Variants in LRRC75A observed in about 807,000 individuals in gnomAD.
The protein encoded by LRRC75A is leucine rich repeat containing 75A.
A neutral mutation model predicts 26.0 loss-of-function variants in LRRC75A; 12 were observed. The observed-to-expected ratio is 0.46, with a 90% CI of 0.30 to 0.75. The LOEUF (loss-of-function observed/expected upper bound fraction) is 0.75. LRRC75A is among the 30% of genes least tolerant of loss of function. LRRC75A has a pLI of 0.08. For synonymous variants in LRRC75A, 223 were observed against 219.3 expected (o/e 1.02, Z -0.15); for missense variants, 410 against 486.6 (o/e 0.84, Z 1.48).
chr17:16,466,431 C>T (rs1217447684), intron 1 of LRRC75A, among the ~76,000 whole-genome samples: 2 of 152,232 alleles, frequency 1.3e-5, no homozygotes, highest in Admixed American at 6.5e-5. Flanking sequence ...CCTGCAGCCC[C>T]TCCTGTGCAC....
intron 2 of LRRC75A, among the ~76,000 whole-genome samples, chr17:16,458,472 T>C (rs1463346364): frequency 6.9e-6 from 1 of 145,166 alleles, no homozygotes; most frequent in Non-Finnish European, 1.5e-5. Context: ...TGCCAACTTC[T>C]TTTTTTTTTT....
At chr17:16,466,314 G>A (rs559199245) in intron 1 of LRRC75A, among the ~76,000 whole-genome samples, 13 of 152,306 alleles carry the variant, frequency 8.5e-5, no homozygotes, top group African/African-American at 2.6e-4. Context: ...TTTCAGACTC[G>A]GCACCCATGG....
chr17:16,446,867 A>T, intron 3 of LRRC75A: 1 of 296,260 alleles, frequency 3.4e-6, no homozygotes, highest in South Asian at 2.4e-5. Context: ...AGCCAGCACC[A>T]TCACAGCCTT....
chr17:16,481,144 G>C (rs1601200149), intron 1 of LRRC75A, among the ~76,000 whole-genome samples: 2 of 152,210 alleles, frequency 1.3e-5, no homozygotes. Flanking sequence ...AAGGACATTA[G>C]AGCCTCAGCG....
intron 3 of LRRC75A, 29 bp from the exon 4 acceptor site, chr17:16,444,160 A>T: frequency 1.3e-6 from 2 of 1,540,052 alleles, no homozygotes; most frequent in Non-Finnish European, 1.8e-6. Context: ...AACAAGGCTC[A>T]GGCACATAGG....
chr17:16,485,290 A>G (rs1315142264), intron 1 of LRRC75A, among the ~76,000 whole-genome samples: 1 of 152,004 alleles, frequency 6.6e-6, no homozygotes, highest in Non-Finnish European at 1.5e-5. Flanking sequence ...TGAAATCCTA[A>G]CCCCCAAGGT....
intron 3 of LRRC75A, among the ~76,000 whole-genome samples, chr17:16,445,612 T>C (rs1392022353): frequency 1.3e-5 from 2 of 152,232 alleles, no homozygotes; most frequent in African/African-American, 2.4e-5. Context: ...CCTTGAGATC[T>C]AAGCTGGGAG....
At chr17:16,446,997 G>A in intron 3 of LRRC75A, 1 of 346,782 alleles carries the variant, frequency 2.9e-6, no homozygotes, top group Non-Finnish European at 5.8e-6. Flanking sequence ...CCATGAGGGA[G>A]GGGGACAGCC....
rs2093856395 is a variant in LRRC75A at position 16,491,204 on chromosome 17, A to C, written c.246+541T>G. On this transcript the variant is annotated intron_variant, in intron 1 of 3. Transcript: ENST00000470794. The surrounding 1 kb of genome is among the most constrained non-coding windows in gnomAD (Gnocchi z 5.9). ...CTGCTGAAGTTAGTCAGGGGAGAGG[A>C]AACAGTCTCCTCCTTGAACTACAAT... Among the ~76,000 whole-genome samples, 1 of 151,916 alleles carries C rather than the reference A, an allele frequency of 6.6e-6. No individual in the cohort carries two copies. Among genetic ancestry groups the C allele is most frequent in the Admixed American group, 6.5e-5 (1 of 15,286 alleles).
At chr17:16,473,352 C>A (rs974762800) in intron 1 of LRRC75A, among the ~76,000 whole-genome samples, 1 of 152,152 alleles carries the variant, frequency 6.6e-6, no homozygotes, top group Non-Finnish European at 1.5e-5. Context: ...ATCCCCTCCC[C>A]CTAACAAAAC....
At chr17:16,490,439 G>A (rs532529046) in intron 1 of LRRC75A, among the ~76,000 whole-genome samples, 3 of 152,312 alleles carry the variant, frequency 2.0e-5, no homozygotes, top group South Asian at 4.1e-4. Context: ...CTCAGAGAAG[G>A]CACATGGGGA....
intron 1 of LRRC75A, among the ~76,000 whole-genome samples, chr17:16,481,271 C>T (rs2093833310): frequency 6.6e-6 from 1 of 152,182 alleles, no homozygotes; most frequent in Non-Finnish European, 1.5e-5. Context: ...CACCAGGTAC[C>T]AGCACCTACC....
chr17:16,479,036 C>A (rs1352577067), intron 1 of LRRC75A, among the ~76,000 whole-genome samples: 1 of 152,210 alleles, frequency 6.6e-6, no homozygotes, highest in Non-Finnish European at 1.5e-5. Context: ...GAATCCTGGA[C>A]CCCTGCAATA....
chr17:16,453,995 G>T (rs746123181), intron 2 of LRRC75A, among the ~76,000 whole-genome samples: 1 of 152,208 alleles, frequency 6.6e-6, no homozygotes. Flanking sequence ...AATCTGAGCA[G>T]ATAGCCTTCC....
At chr17:16,451,943 C>T (rs548065599) in intron 2 of LRRC75A, among the ~76,000 whole-genome samples, 6 of 147,430 alleles carry the variant, frequency 4.1e-5, no homozygotes, top group Non-Finnish European at 7.5e-5. Flanking sequence ...GACGGGGGGT[C>T]TCACTGTGTT....
intron 1 of LRRC75A, among the ~76,000 whole-genome samples, chr17:16,483,550 G>T (rs1160037426): frequency 1.3e-5 from 2 of 152,222 alleles, no homozygotes; most frequent in African/African-American, 2.4e-5. Flanking sequence ...GAATGAATGG[G>T]TCTTTCCAAA....
chr17:16,444,311 G>GAGT (rs1276569282), intron 3 of LRRC75A, among the ~76,000 whole-genome samples, 180 bp from the exon 4 acceptor site: 2 of 152,210 alleles, frequency 1.3e-5, no homozygotes, highest in Non-Finnish European at 2.9e-5. Flanking sequence ...CCCTGACACT[G>GAGT]CCGCACGTCT....
At chr17:16,453,135 A>C (rs535423018) in intron 2 of LRRC75A, among the ~76,000 whole-genome samples, 128 of 152,176 alleles carry the variant, frequency 8.4e-4, no homozygotes, top group African/African-American at 3.0e-3. Flanking sequence ...CTAAAAATAC[A>C]AAAATTAGCC....
At chr17:16,447,167 G>A in intron 3 of LRRC75A, 1 of 233,560 alleles carries the variant, frequency 4.3e-6, no homozygotes, top group Middle Eastern at 4.6e-4. Flanking sequence ...CCCTCTACTT[G>A]CTTCCTACGG....
Sources: allele counts gnomAD v4.1 joint callset (sites outside exome capture counted in the v4.1 genomes callset), GRCh38; gene constraint gnomAD v4.1.1; non-coding constraint Gnocchi (gnomAD v3.1); transcripts MANE v1.5; gene names NCBI Gene and HGNC (gene_info 2026-07-23, HGNC 2026-07-21).